The following EPHA4 variants were observed in gnomAD, a reference collection of about 807,000 sequenced individuals.
EPHA4 encodes ephrin type-A receptor 4.
Under a neutral mutation model 108.3 loss-of-function variants are expected in EPHA4, and 19 were observed. The observed-to-expected ratio is 0.18, with a 90% CI of 0.12 to 0.26. EPHA4 has a LOEUF of 0.26. EPHA4 is among the 10% of genes least tolerant of loss of function. The probability of loss-of-function intolerance (pLI) is 1.00; values close to 1 mark genes in which losing one functional copy is unlikely to be tolerated. For missense variants in EPHA4, 917 were observed against 1,254.0 expected, an observed-to-expected ratio of 0.73 and a Z score of 4.06; for synonymous variants, 449 against 455.5, an observed-to-expected ratio of 0.99 and a Z score of 0.18.
chr2:221,423,838 G>A (rs1243685465), intron 17 of EPHA4, among the ~76,000 whole-genome samples: 1 of 152,064 alleles, frequency 6.6e-6, no homozygotes, highest in East Asian at 1.9e-4. Context: ...AATGCCACCT[G>A]GGCGCAGTGA....
chr2:221,545,537 G>A (rs909626397), intron 3 of EPHA4, among the ~76,000 whole-genome samples: 10 of 152,054 alleles, frequency 6.6e-5, no homozygotes, highest in Non-Finnish European at 1.3e-4. Context: ...ACTCTCAGCC[G>A]TTTATATATT....
intron 11 of EPHA4, among the ~76,000 whole-genome samples, 180 bp downstream of exon 11, chr2:221,442,649 C>A (rs1690462464): frequency 6.6e-6 from 1 of 152,136 alleles, no homozygotes; most frequent in Non-Finnish European, 1.5e-5. Context: ...GATAGGGTAT[C>A]CAGCCAAAAC....
intron 9 of EPHA4, among the ~76,000 whole-genome samples, chr2:221,445,838 G>C (rs1461544675): frequency 1.3e-5 from 2 of 151,830 alleles, no homozygotes; most frequent in Non-Finnish European, 2.9e-5. Context: ...TTGCCACCCA[G>C]CTACAACAAT....
intron 4 of EPHA4, among the ~76,000 whole-genome samples, chr2:221,499,743 TA>T (rs1559267696): frequency 0.019 from 1,131 of 60,516 alleles, 10 homozygotes; most frequent in Non-Finnish European, 0.023. Flanking sequence ...TATATATATA[TA>T]TATATATATA....
chr2:221,555,243 T>C (rs1268027515), intron 3 of EPHA4, among the ~76,000 whole-genome samples: 1 of 152,148 alleles, frequency 6.6e-6, no homozygotes, highest in Non-Finnish European at 1.5e-5. Flanking sequence ...CTGGAAGCAT[T>C]CAAATCAAAA....
chr2:221,459,404 T>A (rs1691072138), intron 5 of EPHA4, among the ~76,000 whole-genome samples: 1 of 151,514 alleles, frequency 6.6e-6, no homozygotes, highest in Admixed American at 6.6e-5. Flanking sequence ...GATACACATG[T>A]CCTCCATCAA....
At chr2:221,550,114 G>A (rs1284501547) in intron 3 of EPHA4, among the ~76,000 whole-genome samples, 1 of 152,152 alleles carries the variant, frequency 6.6e-6, no homozygotes, top group South Asian at 2.1e-4. Context: ...CCAAATCAAA[G>A]AACTTATCCA....
intron 11 of EPHA4, among the ~76,000 whole-genome samples, chr2:221,441,977 GT>G (rs1003101319): frequency 6.6e-6 from 1 of 152,196 alleles, no homozygotes; most frequent in African/African-American, 2.4e-5. Context: ...CCACACTGGG[GT>G]GGCTATATTG....
At chr2:221,440,415 C>A (rs1690382832) in intron 11 of EPHA4, among the ~76,000 whole-genome samples, 1 of 152,046 alleles carries the variant, frequency 6.6e-6, no homozygotes, top group Non-Finnish European at 1.5e-5. Flanking sequence ...AGAAAACGGA[C>A]CTGCAAAAGT....
At chr2:221,481,693 G>A (rs1467137051) in intron 5 of EPHA4, among the ~76,000 whole-genome samples, 1 of 152,076 alleles carries the variant, frequency 6.6e-6, no homozygotes, top group East Asian at 1.9e-4. Flanking sequence ...AAACTATTAA[G>A]TGTCTTAAAG....
rs746864291 is a variant in EPHA4, at chr2:221,442,875, C to T, written c.2028G>A (p.Gln676=). 1.9e-5 allele frequency: 30 copies of T among 1,614,168 alleles called. 1 individual carries two copies. In the South Asian group the frequency reaches 3.3e-4, roughly 18 times the overall value. The part of the protein sequence containing the change: ...DFLSEASIMG[Q]FDHPNIIHLE... ...AGTGAATGATGTTCGGATGGTCAAA[C>T]TGTCCCATGATGCTGGCCTCACTCA... The change falls in exon 11 of 18, where the codon CAG becomes CAA. Residue 676 remains glutamine (Q), a synonymous_variant. Coordinates refer to ENST00000281821, the MANE Select transcript of EPHA4 (RefSeq NM_004438.5).
At chr2:221,547,793 A>G (rs963222235) in intron 3 of EPHA4, among the ~76,000 whole-genome samples, 4 of 152,194 alleles carry the variant, frequency 2.6e-5, no homozygotes, top group Admixed American at 2.0e-4. Context: ...AGCAGTATAC[A>G]TGGCCAAACA....
chr2:221,563,690 A>G, intron 3 of EPHA4, 41 bp downstream of exon 3: 2 of 1,598,582 alleles, frequency 1.3e-6, no homozygotes, highest in Non-Finnish European at 1.7e-6. Flanking sequence ...AATTACTCGC[A>G]CTAAGCCCCA....
At chr2:221,463,025 C>T (rs1054678880) in intron 5 of EPHA4, among the ~76,000 whole-genome samples, 1 of 152,132 alleles carries the variant, frequency 6.6e-6, no homozygotes, top group African/African-American at 2.4e-5. Flanking sequence ...CAAAGATGGA[C>T]TAGGGCAAAG....
At chr2:221,565,727 T>C (rs1694610824) in intron 2 of EPHA4, among the ~76,000 whole-genome samples, 2 of 152,216 alleles carry the variant, frequency 1.3e-5, no homozygotes, top group African/African-American at 4.8e-5. Flanking sequence ...AAGTGCCCTG[T>C]GGTGATGAAA....
At chr2:221,435,183 A>G (rs938309954) in intron 13 of EPHA4, among the ~76,000 whole-genome samples, 2 of 152,152 alleles carry the variant, frequency 1.3e-5, no homozygotes, top group South Asian at 2.1e-4. Context: ...GCTTTGATAC[A>G]TTGCAGTAAA....
At chr2:221,565,044 T>A (rs954011962) in intron 2 of EPHA4, among the ~76,000 whole-genome samples, 1 of 152,188 alleles carries the variant, frequency 6.6e-6, no homozygotes, top group African/African-American at 2.4e-5. Flanking sequence ...CTATCATTTA[T>A]AACAGTAGAC....
intron 3 of EPHA4, among the ~76,000 whole-genome samples, chr2:221,554,941 C>G (rs1245256211): frequency 6.6e-6 from 1 of 152,090 alleles, no homozygotes; most frequent in African/African-American, 2.4e-5. Flanking sequence ...TTTTAAAGCC[C>G]TTTGTTGGGA....
At chr2:221,470,572 G>C in intron 5 of EPHA4, among the ~76,000 whole-genome samples, 1 of 148,304 alleles carries the variant, frequency 6.7e-6, no homozygotes, top group African/African-American at 2.5e-5. Flanking sequence ...ATCACTTTAG[G>C]GAACCTCTGC....
Sources: allele counts gnomAD v4.1 joint callset (sites outside exome capture counted in the v4.1 genomes callset), GRCh38; gene constraint gnomAD v4.1.1; transcripts MANE v1.5; gene names NCBI Gene and HGNC (gene_info 2026-07-23, HGNC 2026-07-21).